Variants in SNX24 observed in about 807,000 individuals in gnomAD.
SNX24 encodes sorting nexin-24.
A neutral mutation model predicts 28.7 loss-of-function variants in SNX24; 22 were observed. The observed-to-expected ratio is 0.77, with a 90% confidence interval of 0.55 to 1.10. SNX24 has a LOEUF of 1.10. Ranked by LOEUF, SNX24 falls within the 50% of genes least tolerant of loss-of-function variation. SNX24 has a pLI of 0.00. For missense variants in SNX24, 221 were observed against 201.1 expected (o/e 1.10, Z -0.60); for synonymous variants, 69 against 71.5 (o/e 0.96, Z 0.18).
intron 5 of SNX24, chr5:123,025,984 GA>G (rs1762847530): frequency 6.3e-7 from 1 of 1,575,040 alleles, no homozygotes; most frequent in Non-Finnish European, 8.6e-7. Flanking sequence ...ACAAAACAAG[GA>G]AGAAAGTCAA....
At chr5:123,006,619 C>T (rs998687641) in intron 6 of SNX24, among the ~76,000 whole-genome samples, 5 of 152,256 alleles carry the variant, frequency 3.3e-5, no homozygotes, top group Non-Finnish European at 5.9e-5. Flanking sequence ...AAAGCCCAAA[C>T]TCCTATCCAT....
At chr5:122,988,699 A>C (rs942616826) in intron 3 of SNX24, among the ~76,000 whole-genome samples, 2 of 152,144 alleles carry the variant, frequency 1.3e-5, no homozygotes, top group African/African-American at 2.4e-5. Flanking sequence ...TAAAAGACCA[A>C]ATTTGGGAGG....
intron 1 of SNX24, among the ~76,000 whole-genome samples, chr5:122,923,904 A>G (rs1275745208): frequency 6.6e-6 from 1 of 152,258 alleles, no homozygotes; most frequent in Admixed American, 6.5e-5. Flanking sequence ...AGAGAGACAG[A>G]AAACACTTTT....
chr5:123,017,989 G>A (rs1195871745), intron 5 of SNX24, among the ~76,000 whole-genome samples: 1 of 152,002 alleles, frequency 6.6e-6, no homozygotes, highest in Admixed American at 6.6e-5. Flanking sequence ...CTGTCTGGGG[G>A]TAGATTATGA....
chr5:122,893,129 T>C (rs577229076), intron 1 of SNX24, among the ~76,000 whole-genome samples: 1 of 152,042 alleles, frequency 6.6e-6, no homozygotes, highest in African/African-American at 2.4e-5. Context: ...CTTTCCTCCT[T>C]ACTCTCTTGT....
chr5:122,874,712 G>C (rs1321885270), intron 1 of SNX24, among the ~76,000 whole-genome samples: 1 of 152,202 alleles, frequency 6.6e-6, no homozygotes, highest in Non-Finnish European at 1.5e-5. Flanking sequence ...TTGGGAGGAA[G>C]GAAGTAGCAG....
intron 2 of SNX24, among the ~76,000 whole-genome samples, chr5:122,939,120 A>C (rs1412283906): frequency 6.6e-6 from 1 of 152,190 alleles, no homozygotes; most frequent in African/African-American, 2.4e-5. Context: ...CCACATCAAC[A>C]ACCTTACCCT....
intron 1 of SNX24, among the ~76,000 whole-genome samples, chr5:122,849,126 AGT>A (rs1330981714): frequency 6.6e-6 from 1 of 152,168 alleles, no homozygotes; most frequent in East Asian, 1.9e-4. Context: ...CTTAACTAGA[AGT>A]GGTATTTCCA....
In SNX24 at chr5:123,019,144, C is replaced by T. The variant is rs1176710382; in HGVS notation, n.384-10094C>T. Among the ~76,000 whole-genome samples, 4 of 152,138 alleles carry T rather than the reference C, an allele frequency of 2.6e-5. No individual in the cohort carries two copies. In the South Asian group the frequency reaches 6.2e-4, roughly 24 times the overall value. On this transcript the variant is annotated intron_variant and non_coding_transcript_variant, in intron 5 of 5. Coordinates refer to the SNX24 transcript ENST00000502387. ...GTAACACTAGCAAACCTTGGAGGCA[C>T]TTATGTTATATCACACCTAAAACTT...
At chr5:122,990,946 G>A (rs1279018601) in intron 3 of SNX24, among the ~76,000 whole-genome samples, 1 of 152,052 alleles carries the variant, frequency 6.6e-6, no homozygotes, top group Non-Finnish European at 1.5e-5. Flanking sequence ...CTGTTGTCTG[G>A]AGTGCAGTGG....
intron 1 of SNX24, among the ~76,000 whole-genome samples, chr5:122,849,793 G>A (rs923181270): frequency 1.3e-5 from 2 of 152,158 alleles, no homozygotes; most frequent in Non-Finnish European, 2.9e-5. Context: ...TTGAGGCTAG[G>A]TAGTGTCCAT....
intron 3 of SNX24, among the ~76,000 whole-genome samples, chr5:122,990,651 T>A (rs1460010447): frequency 6.6e-6 from 1 of 152,202 alleles, no homozygotes; most frequent in African/African-American, 2.4e-5. Flanking sequence ...TAAAAACCAG[T>A]CTCCTAAGGC....
chr5:123,003,615 T>C (rs1404951912), intron 6 of SNX24, among the ~76,000 whole-genome samples: 2 of 152,200 alleles, frequency 1.3e-5, no homozygotes, highest in South Asian at 2.1e-4. Flanking sequence ...AGATACTTGA[T>C]AGAAGAGGGA....
intron 3 of SNX24, among the ~76,000 whole-genome samples, chr5:122,963,167 C>G (rs1470538444): frequency 6.6e-6 from 1 of 152,108 alleles, no homozygotes; most frequent in African/African-American, 2.4e-5. Context: ...CTGGGAGGCA[C>G]AAGTTGCAAT....
chr5:122,928,582 A>G (rs1198086127), intron 1 of SNX24, among the ~76,000 whole-genome samples: 1 of 152,016 alleles, frequency 6.6e-6, no homozygotes, highest in East Asian at 2.0e-4. Flanking sequence ...CCAGGAATGT[A>G]GGTGGCTGCT....
chr5:122,971,648 A>G (rs1760962627), intron 3 of SNX24, among the ~76,000 whole-genome samples: 1 of 152,252 alleles, frequency 6.6e-6, no homozygotes, highest in African/African-American at 2.4e-5. Context: ...AAATCCATTT[A>G]TCTTATATCA....
intron 6 of SNX24, among the ~76,000 whole-genome samples, chr5:123,004,910 A>T (rs974837229): frequency 1.3e-5 from 2 of 152,224 alleles, no homozygotes; most frequent in Non-Finnish European, 2.9e-5. Flanking sequence ...AGCAAAAACC[A>T]ACAAAAATAA....
At chr5:122,957,969 A>C (rs1405206324) in intron 3 of SNX24, among the ~76,000 whole-genome samples, 1 of 152,112 alleles carries the variant, frequency 6.6e-6, no homozygotes, top group Non-Finnish European at 1.5e-5. Flanking sequence ...ATCACATGCA[A>C]ACAAAGATAA....
chr5:123,003,988 C>G (rs568594483), intron 6 of SNX24, among the ~76,000 whole-genome samples: 55 of 152,220 alleles, frequency 3.6e-4, no homozygotes, highest in African/African-American at 1.3e-3. Context: ...TATATTCTTG[C>G]AAATCTTTAG....
Sources: allele counts gnomAD v4.1 joint callset (sites outside exome capture counted in the v4.1 genomes callset), GRCh38; gene constraint gnomAD v4.1.1; transcripts MANE v1.5; gene names NCBI Gene and HGNC (gene_info 2026-07-23, HGNC 2026-07-21).